Variants in LOC400499 observed in about 807,000 individuals in gnomAD.
At chr16:11,395,612 A>T in the LOC400499 span, among the ~76,000 whole-genome samples, 1 of 151,948 alleles carries the variant, frequency 6.6e-6, no homozygotes, top group African/African-American at 2.4e-5. Context: ...AAGGGAGGGA[A>T]CTCCCCTCTC....
the LOC400499 span, among the ~76,000 whole-genome samples, chr16:11,449,418 C>A: frequency 3.9e-5 from 6 of 152,174 alleles, no homozygotes; most frequent in African/African-American, 7.2e-5. Context: ...GGTGTCTGTA[C>A]CCTGAAGGGC....
the LOC400499 span, among the ~76,000 whole-genome samples, chr16:11,441,941 C>T: frequency 1.3e-5 from 2 of 152,204 alleles, no homozygotes; most frequent in South Asian, 2.1e-4. Context: ...TTCAGAGATT[C>T]GTTATGGCAG....
chr16:11,462,251 G>A, the LOC400499 span: 1,420 of 1,529,134 alleles, frequency 9.3e-4, 7 homozygotes, highest in South Asian at 2.4e-3. Context: ...CTCCAGCTGC[G>A]CCTGGAACCG....
the LOC400499 span, chr16:11,460,921 T>C: frequency 6.7e-7 from 1 of 1,492,990 alleles, no homozygotes. Context: ...GGGCAGGCCC[T>C]GCCACCTCCA....
At chr16:11,447,977 G>C in the LOC400499 span, 9 of 1,535,918 alleles carry the variant, frequency 5.9e-6, no homozygotes, top group African/African-American at 5.5e-5. Context: ...GTCCTGTCTT[G>C]CCTCAGCTCC....
the LOC400499 span, among the ~76,000 whole-genome samples, chr16:11,480,880 A>C: frequency 6.6e-6 from 1 of 152,232 alleles, no homozygotes; most frequent in South Asian, 2.1e-4. Context: ...CACCAATTTT[A>C]AACCAAAGTC....
At chr16:11,503,560 C>T in the LOC400499 span, among the ~76,000 whole-genome samples, 11,336 of 152,200 alleles carry the variant, frequency 0.074, 1,181 homozygotes, top group African/African-American at 0.23. Context: ...AGAGGTCCTC[C>T]GAGGCTGGGA....
At chr16:11,502,387 G>A in the LOC400499 span, among the ~76,000 whole-genome samples, 1 of 152,146 alleles carries the variant, frequency 6.6e-6, no homozygotes, top group South Asian at 2.1e-4. Context: ...AAGCATACAA[G>A]CTGGCTCATT....
the LOC400499 span, chr16:11,457,236 C>T: frequency 5.3e-4 from 294 of 554,130 alleles, no homozygotes; most frequent in African/African-American, 4.7e-3. Context: ...AATTCTCATA[C>T]GCTGATGGTG....
chr16:11,479,388 G>A, the LOC400499 span, among the ~76,000 whole-genome samples: 1 of 151,928 alleles, frequency 6.6e-6, no homozygotes, highest in African/African-American at 2.4e-5. Context: ...CGAGAAAAGA[G>A]GATCGCTTGA....
the LOC400499 span, among the ~76,000 whole-genome samples, chr16:11,473,846 T>G: frequency 3.3e-5 from 5 of 152,184 alleles, no homozygotes; most frequent in African/African-American, 1.2e-4. Flanking sequence ...TGTTTGTTTG[T>G]TTAGTTAGTT....
At chr16:11,497,744 G>A in the LOC400499 span, among the ~76,000 whole-genome samples, 1 of 152,150 alleles carries the variant, frequency 6.6e-6, no homozygotes, top group Admixed American at 6.5e-5. Flanking sequence ...CCCGGGGGAT[G>A]AACCCAGAAG....
At chr16:11,448,763 G>GGAAAGA in the LOC400499 span, among the ~76,000 whole-genome samples, 1 of 151,938 alleles carries the variant, frequency 6.6e-6, no homozygotes, top group African/African-American at 2.4e-5. Context: ...AAAAGGAAAA[G>GGAAAGA]GAAAGAGAAA....
At chr16:11,415,177 C>T in the LOC400499 span, among the ~76,000 whole-genome samples, 1 of 152,218 alleles carries the variant, frequency 6.6e-6, no homozygotes, top group Non-Finnish European at 1.5e-5. Context: ...CCGTCCTTCC[C>T]ATCACCCCCT....
chr16:11,488,825 G>A, the LOC400499 span: 27 of 398,916 alleles, frequency 6.8e-5, no homozygotes, highest in Admixed American at 4.0e-4. Flanking sequence ...GGGGTCGTGC[G>A]TCTCCAGCAG....
the LOC400499 span, among the ~76,000 whole-genome samples, chr16:11,483,086 G>A: frequency 6.6e-6 from 1 of 152,062 alleles, no homozygotes; most frequent in African/African-American, 2.4e-5. Context: ...AGTCATTAGG[G>A]AAATGCAAAT....
the LOC400499 span, among the ~76,000 whole-genome samples, chr16:11,473,802 G>A: frequency 1.5e-4 from 23 of 151,798 alleles, no homozygotes; most frequent in Admixed American, 1.3e-3. Context: ...TACCAACCCA[G>A]GAGCCAGCAA....
chr16:11,466,221 G>C, the LOC400499 span, among the ~76,000 whole-genome samples: 2 of 152,144 alleles, frequency 1.3e-5, no homozygotes, highest in Non-Finnish European at 2.9e-5. Context: ...ACAGTGGTTG[G>C]CTTTCAGGAG....
chr16:11,411,481 G>A, the LOC400499 span, among the ~76,000 whole-genome samples: 1 of 152,178 alleles, frequency 6.6e-6, no homozygotes, highest in Non-Finnish European at 1.5e-5. Context: ...CACACACCCC[G>A]AGGCCCAAGG....
Sources: allele counts gnomAD v4.1 joint callset (sites outside exome capture counted in the v4.1 genomes callset), GRCh38; gene constraint gnomAD v4.1.1; transcripts MANE v1.5.